The following CCDC149 variants were observed in gnomAD, a reference collection of about 807,000 sequenced individuals.
CCDC149 encodes coiled-coil domain-containing protein 149.
A neutral mutation model predicts 59.9 loss-of-function variants in CCDC149; 45 were observed. The observed-to-expected ratio is 0.75, with a 90% CI of 0.59 to 0.96. The LOEUF is 0.96. CCDC149 is among the 40% of genes least tolerant of loss of function. CCDC149 has a pLI of 0.00. For missense variants in CCDC149, 584 were observed against 664.7 expected (o/e 0.88, Z 1.33); for synonymous variants, 245 against 260.6 (o/e 0.94, Z 0.58).
At chr4:24,887,255 T>G in intron 1 of CCDC149, among the ~76,000 whole-genome samples, 1 of 109,466 alleles carries the variant, frequency 9.1e-6, no homozygotes, top group Non-Finnish European at 1.7e-5. Context: ...TGCTGAGAGA[T>G]GAAGGTAGCT....
chr4:24,809,715 G>A (rs558947998), intron 12 of CCDC149, among the ~76,000 whole-genome samples: 1 of 152,214 alleles, frequency 6.6e-6, no homozygotes, highest in Non-Finnish European at 1.5e-5. Context: ...AGTGGGACTG[G>A]GTTTAGCCTG....
intron 1 of CCDC149, among the ~76,000 whole-genome samples, chr4:24,891,486 G>A (rs1286342624): frequency 6.6e-6 from 1 of 152,170 alleles, no homozygotes; most frequent in African/African-American, 2.4e-5. Flanking sequence ...GGCATGATTT[G>A]ACTTGCTCTC....
At chr4:24,828,530 C>T (rs554020609) in intron 9 of CCDC149, 1 of 152,110 alleles carries the variant, frequency 6.6e-6, no homozygotes, top group South Asian at 2.1e-4. Flanking sequence ...GTAATCTCAG[C>T]ACTTTGGGAG....
At chr4:24,878,310 A>C (rs1181749474) in intron 1 of CCDC149, among the ~76,000 whole-genome samples, 3 of 152,162 alleles carry the variant, frequency 2.0e-5, no homozygotes, top group Non-Finnish European at 2.9e-5. Context: ...AGTTCTAAAA[A>C]AGGACACTTC....
At chr4:24,860,920 G>C (rs1275890428) in intron 3 of CCDC149, among the ~76,000 whole-genome samples, 1 of 152,000 alleles carries the variant, frequency 6.6e-6, no homozygotes, top group Non-Finnish European at 1.5e-5. Context: ...CCTATAAGGT[G>C]TTATTACTCC....
chr4:24,966,437 A>G (rs1364079906), intron 1 of CCDC149, among the ~76,000 whole-genome samples: 1 of 151,806 alleles, frequency 6.6e-6, no homozygotes, highest in Non-Finnish European at 1.5e-5. Context: ...TACCCCATAT[A>G]TAGGGCACCA....
chr4:24,835,339 T>C (rs1358589588), intron 7 of CCDC149, among the ~76,000 whole-genome samples: 2 of 152,226 alleles, frequency 1.3e-5, no homozygotes, highest in Non-Finnish European at 2.9e-5. Context: ...CAGCCTAACA[T>C]GTGAAGTCAC....
intron 12 of CCDC149, among the ~76,000 whole-genome samples, chr4:24,818,715 G>A (rs146551975): frequency 3.6e-4 from 55 of 152,282 alleles, no homozygotes; most frequent in African/African-American, 1.0e-3. Flanking sequence ...CTGCTTGAGC[G>A]TCCTCATGAT....
intron 1 of CCDC149, chr4:24,895,236 G>A: frequency 1.7e-6 from 1 of 594,174 alleles, no homozygotes; most frequent in Non-Finnish European, 3.0e-6. Context: ...AGCCTTCTGG[G>A]GAGCTGGGGA....
intron 2 of CCDC149, among the ~76,000 whole-genome samples, chr4:24,874,247 T>G (rs76414685): frequency 2.2e-4 from 18 of 81,708 alleles, no homozygotes; most frequent in Admixed American, 8.7e-4. Context: ...TAGATTTGTT[T>G]TTTTTTTTTT....
At chr4:24,833,796 G>T (rs1371113750) in intron 8 of CCDC149, among the ~76,000 whole-genome samples, 1 of 152,066 alleles carries the variant, frequency 6.6e-6, no homozygotes, top group African/African-American at 2.4e-5. Context: ...GTTTTTTGTT[G>T]GTTCAAAGGG....
chr4:24,826,309 T>A (rs1715734368), intron 9 of CCDC149, among the ~76,000 whole-genome samples: 1 of 152,124 alleles, frequency 6.6e-6, no homozygotes, highest in African/African-American at 2.4e-5. Flanking sequence ...TTAGGCAAAG[T>A]ATTCTTCATG....
chr4:24,855,810 A>G (rs556760392), intron 3 of CCDC149, among the ~76,000 whole-genome samples: 1 of 152,196 alleles, frequency 6.6e-6, no homozygotes, highest in African/African-American at 2.4e-5. Context: ...ATCAAAACCT[A>G]TTTTGTAGGT....
intron 9 of CCDC149, 49 bp from the exon 10 acceptor site, chr4:24,822,622 C>T: frequency 1.5e-6 from 2 of 1,368,708 alleles, no homozygotes; most frequent in Non-Finnish European, 2.0e-6. Flanking sequence ...ATCCTGTCAG[C>T]CCCCAGCCCT....
At chr4:24,980,082 C>A (rs1004516268) in exon 1 of CCDC149, 1 of 152,176 alleles carries the variant, frequency 6.6e-6, no homozygotes, top group East Asian at 1.9e-4. Context: ...ACGTTCACAT[C>A]GCTTCACAAG....
chr4:24,912,321 G>A (rs1646244371), intron 1 of CCDC149, among the ~76,000 whole-genome samples: 1 of 152,102 alleles, frequency 6.6e-6, no homozygotes, highest in Non-Finnish European at 1.5e-5. Flanking sequence ...AATTGAGCAA[G>A]TGAATGAGTG....
chr4:24,849,501 C>A (rs1717522814), intron 4 of CCDC149, among the ~76,000 whole-genome samples: 3 of 152,178 alleles, frequency 2.0e-5, no homozygotes, highest in Admixed American at 1.3e-4. Context: ...CCCCCCATCA[C>A]AGGACGCCCA....
At chr4:24,924,484 A>G (rs897274252) in intron 1 of CCDC149, among the ~76,000 whole-genome samples, 27 of 152,346 alleles carry the variant, frequency 1.8e-4, no homozygotes, top group Middle Eastern at 3.4e-3. Context: ...GAGAAGATTC[A>G]GAGTGTGACT....
At chr4:24,884,914 C>T (rs904458875) in intron 1 of CCDC149, among the ~76,000 whole-genome samples, 2 of 151,988 alleles carry the variant, frequency 1.3e-5, no homozygotes, top group African/African-American at 2.4e-5. Flanking sequence ...TATTTGAAAT[C>T]GATCGGGAGG....
Sources: allele counts gnomAD v4.1 joint callset (sites outside exome capture counted in the v4.1 genomes callset), GRCh38; gene constraint gnomAD v4.1.1; transcripts MANE v1.5; gene names NCBI Gene and HGNC (gene_info 2026-07-23, HGNC 2026-07-21).